ENPP6: variants seen among roughly 807,000 people sequenced by gnomAD.
The protein encoded by ENPP6 is glycerophosphocholine cholinephosphodiesterase ENPP6.
Under a neutral mutation model 42.0 loss-of-function variants are expected in ENPP6, and 32 were observed. That is an observed-to-expected ratio of 0.76 (90% CI 0.58 to 1.02). The LOEUF is 1.02. ENPP6 is among the 50% of genes least tolerant of loss of function. ENPP6 has a pLI of 0.00. For missense variants in ENPP6, 552 were observed against 566.8 expected, an observed-to-expected ratio of 0.97 and a Z score of 0.27; for synonymous variants, 213 against 216.0, an observed-to-expected ratio of 0.99 and a Z score of 0.12.
At chr4:184,158,379 A>G (rs1368348518) in intron 1 of ENPP6, among the ~76,000 whole-genome samples, 3 of 152,182 alleles carry the variant, frequency 2.0e-5, no homozygotes, top group Non-Finnish European at 4.4e-5. Context: ...AGCCAAAACC[A>G]TGAAAAGCTA....
intron 1 of ENPP6, among the ~76,000 whole-genome samples, chr4:184,160,805 A>G (rs1227228270): frequency 2.0e-5 from 3 of 152,112 alleles, no homozygotes; most frequent in Non-Finnish European, 4.4e-5. Context: ...CTCTACCTCC[A>G]TACTCCTGCT....
rs58927070 is a variant in ENPP6, at chr4:184,131,520, A to ATTTTT, written c.422-7253_422-7249dup. Among the ~76,000 whole-genome samples, 399 of 136,708 alleles carry ATTTTT rather than the reference A, an allele frequency of 2.9e-3. 3 individuals are homozygous for ATTTTT. The South Asian group carries it at 0.033, about 11-fold the overall frequency. The allele number at this position is 136,708 out of a possible 152,430, so 89.7% of individuals were successfully genotyped here. On this transcript the variant is annotated intron_variant, in intron 2 of 7. Transcript: ENST00000296741. ...AGGCACCCATCACCATGCCCAGCTA[A>ATTTTT]TTTTTTTTTTTTTTTGTATTTTTAG...
chr4:184,088,940 T>A lies in ENPP6; in HGVS notation c.*2237A>T, dbSNP rs1394219838. 1 of 152,206 alleles carries A rather than the reference T, an allele frequency of 6.6e-6. No individual in the cohort carries two copies. The highest frequency in any genetic ancestry group is 6.5e-5 in the Admixed American group (1 of 15,280). The allele number at this position is 152,206 out of a possible 1,614,324, so 9.4% of individuals were successfully genotyped here. ...GGAAAGACAAAAATGCAAGACTGTG[T>A]CTAAGTTTATGCCTCTCTTGAGTTT... On this transcript the variant is annotated 3_prime_UTR_variant, in exon 8 of 8. Transcript: ENST00000296741.
intron 1 of ENPP6, among the ~76,000 whole-genome samples, chr4:184,175,799 C>G (rs760942636): frequency 1.3e-5 from 2 of 152,150 alleles, no homozygotes; most frequent in Non-Finnish European, 2.9e-5. Flanking sequence ...CATTAGAGGA[C>G]CTGGCCAGAT....
chr4:184,115,275 A>G (rs1260963403), intron 5 of ENPP6, among the ~76,000 whole-genome samples: 1 of 152,096 alleles, frequency 6.6e-6, no homozygotes, highest in African/African-American at 2.4e-5. Flanking sequence ...GCCCCCAGGA[A>G]GACAGTTGCT....
At chr4:184,124,872 T>A (rs1190879107) in intron 2 of ENPP6, among the ~76,000 whole-genome samples, 2 of 152,180 alleles carry the variant, frequency 1.3e-5, no homozygotes, top group African/African-American at 2.4e-5. Flanking sequence ...CATTCCGATG[T>A]GAACAGACTC....
intron 1 of ENPP6, among the ~76,000 whole-genome samples, chr4:184,175,688 A>T (rs1473409968): frequency 6.6e-6 from 1 of 152,196 alleles, no homozygotes; most frequent in Admixed American, 6.5e-5. Flanking sequence ...CTTGTTCTGG[A>T]GTATTGAGAA....
intron 2 of ENPP6, among the ~76,000 whole-genome samples, chr4:184,138,325 A>G (rs568132454): frequency 2.0e-5 from 3 of 152,356 alleles, no homozygotes; most frequent in South Asian, 2.1e-4. Context: ...TTGAATGCCA[A>G]AATCACACAG....
At chr4:184,113,926 T>TCTTTCTTCCTTC (rs751063099) in intron 5 of ENPP6, among the ~76,000 whole-genome samples, 1 of 140,962 alleles carries the variant, frequency 7.1e-6, no homozygotes, top group South Asian at 2.3e-4. Context: ...TTTCTTTCTT[T>TCTTTCTTCCTTC]CTTTCTTTCT....
At chr4:184,169,385 G>T (rs934323238) in intron 1 of ENPP6, among the ~76,000 whole-genome samples, 1 of 152,172 alleles carries the variant, frequency 6.6e-6, no homozygotes, top group African/African-American at 2.4e-5. Flanking sequence ...AGGAAGAGAC[G>T]CTGGGGCTAC....
chr4:184,162,562 A>G (rs1033140596), intron 1 of ENPP6, among the ~76,000 whole-genome samples: 18 of 72,954 alleles, frequency 2.5e-4, no homozygotes, highest in Non-Finnish European at 5.0e-4. Context: ...GAAGGAAAGA[A>G]GGAAGGAAGG....
At chr4:184,216,724 C>A (rs1191156540) in intron 1 of ENPP6, 2 of 152,194 alleles carry the variant, frequency 1.3e-5, no homozygotes, top group African/African-American at 2.4e-5. Flanking sequence ...GAAAAACAAA[C>A]CAGAAACTGG....
At chr4:184,192,367 A>C (rs1314935258) in intron 1 of ENPP6, among the ~76,000 whole-genome samples, 1 of 152,238 alleles carries the variant, frequency 6.6e-6, no homozygotes, top group East Asian at 1.9e-4. Flanking sequence ...AGCTGTCAGA[A>C]ATAGTCAATG....
chr4:184,202,844 G>T (rs576594361), intron 1 of ENPP6, among the ~76,000 whole-genome samples: 1 of 152,178 alleles, frequency 6.6e-6, no homozygotes, highest in African/African-American at 2.4e-5. Flanking sequence ...GATAAAGGGG[G>T]TAATATGTAC....
chr4:184,155,930 T>C (rs997983012), intron 1 of ENPP6, among the ~76,000 whole-genome samples: 2 of 152,076 alleles, frequency 1.3e-5, no homozygotes, highest in Non-Finnish European at 2.9e-5. Context: ...GCTCTCTGAG[T>C]AGAAAATTAT....
chr4:184,197,866 C>A (rs1381440036), intron 1 of ENPP6, among the ~76,000 whole-genome samples: 1 of 152,132 alleles, frequency 6.6e-6, no homozygotes, highest in Non-Finnish European at 1.5e-5. Flanking sequence ...GGGAATGGGC[C>A]AGACTGGGAG....
chr4:184,106,649 G>A (rs1377112798), intron 6 of ENPP6, among the ~76,000 whole-genome samples: 1 of 151,924 alleles, frequency 6.6e-6, no homozygotes, highest in Non-Finnish European at 1.5e-5. Context: ...GTCTCCTGTT[G>A]CCCCCACCCC....
intron 2 of ENPP6, among the ~76,000 whole-genome samples, chr4:184,131,217 T>C (rs796572218): frequency 0.47 from 40,524 of 85,970 alleles, 10,215 homozygotes; most frequent in Non-Finnish European, 0.5. Context: ...TCTTTCTTTC[T>C]TTTTCTTTCT....
chr4:184,188,809 A>G (rs2111106138), intron 1 of ENPP6, among the ~76,000 whole-genome samples: 1 of 152,242 alleles, frequency 6.6e-6, no homozygotes, highest in African/African-American at 2.4e-5. Context: ...CCCTGGGCCT[A>G]CTGGTAGGAC....
Sources: allele counts gnomAD v4.1 joint callset (sites outside exome capture counted in the v4.1 genomes callset), GRCh38; gene constraint gnomAD v4.1.1; transcripts MANE v1.5; gene names NCBI Gene and HGNC (gene_info 2026-07-23, HGNC 2026-07-21).